The following SELP variants were observed in gnomAD, a reference collection of about 807,000 sequenced individuals.
SELP encodes the protein P-selectin.
A neutral mutation model predicts 104.1 loss-of-function variants in SELP; 92 were observed. The ratio of observed to expected loss-of-function variants is 0.88; its 90% CI spans 0.75 to 1.05. The LOEUF is 1.05. SELP is among the 50% of genes least tolerant of loss of function. SELP has a pLI of 0.00. For synonymous variants in SELP, 397 were observed against 364.5 expected, an observed-to-expected ratio of 1.09 and a Z score of -1.01; for missense variants, 1,022 against 1,017.3, an observed-to-expected ratio of 1.00 and a Z score of -0.06.
chr1:169,607,391 T>G (rs552819396), intron 8 of SELP, among the ~76,000 whole-genome samples: 2 of 152,306 alleles, frequency 1.3e-5, no homozygotes, highest in Non-Finnish European at 1.5e-5. Flanking sequence ...CAAGAATTTA[T>G]GCTAAGTATG....
chr1:169,630,016 T>C (rs732314), intron 1 of SELP, 56 bp downstream of exon 1: 809,080 of 1,610,560 alleles, frequency 0.5, 206,585 homozygotes, highest in African/African-American at 0.64. Context: ...CTGACTTTAC[T>C]CCATACCACT....
intron 4 of SELP, 69 bp downstream of exon 4, chr1:169,613,517 G>T: frequency 8.2e-7 from 1 of 1,216,960 alleles, no homozygotes; most frequent in Non-Finnish European, 1.2e-6. Context: ...ACTTCAACAT[G>T]ATTTATTTAC....
At chr1:169,609,906 T>C (rs1662421219) in intron 7 of SELP, among the ~76,000 whole-genome samples, 1 of 152,054 alleles carries the variant, frequency 6.6e-6, no homozygotes, top group Non-Finnish European at 1.5e-5. Flanking sequence ...AGCTTAGACT[T>C]CCCTTTCCTT....
chr1:169,597,240 A>G, intron 10 of SELP, 64 bp from the exon 11 acceptor site: 1 of 1,404,422 alleles, frequency 7.1e-7, no homozygotes, highest in African/African-American at 1.5e-5. Flanking sequence ...TGTTACACAA[A>G]GTTCATTCAC....
At chr1:169,606,820 G>A in intron 9 of SELP, 129 bp downstream of exon 9, 1 of 814,696 alleles carries the variant, frequency 1.2e-6, no homozygotes, top group African/African-American at 1.7e-5. Context: ...AAGAGGATGA[G>A]TGAGAGTATT....
At chr1:169,612,844 AT>A (rs1379978556) in intron 5 of SELP, 84 bp downstream of exon 5, 3 of 1,198,678 alleles carry the variant, frequency 2.5e-6, no homozygotes, top group South Asian at 1.8e-5. Context: ...TATTTCTCAC[AT>A]TTTTTAATGG....
At chr1:169,590,764 A>T (rs968682354) in intron 15 of SELP, among the ~76,000 whole-genome samples, 4 of 152,212 alleles carry the variant, frequency 2.6e-5, no homozygotes, top group Non-Finnish European at 5.9e-5. Context: ...AAATAAAAAA[A>T]TACCCTTGGG....
In SELP at chr1:169,593,725, C is replaced by G; in HGVS notation, c.2288-1G>C. On this transcript the variant is annotated splice_acceptor_variant, in intron 13 of 16. Transcript: ENST00000263686. LOFTEE classifies it high-confidence loss of function. ...GCTTCCTGGATAGTCAATGGTCCTG[C>G]TACAAAACAAACACACACACATGCA... 1 of 1,613,222 alleles carries G rather than the reference C, an allele frequency of 6.2e-7. No individual in the cohort carries two copies. The highest frequency in any genetic ancestry group is 8.5e-7 in the Non-Finnish European group (1 of 1,179,438).
chr1:169,612,524 AATG>A (rs1662594933), intron 5 of SELP, 122 bp from the exon 6 acceptor site: 1 of 805,530 alleles, frequency 1.2e-6, no homozygotes, highest in African/African-American at 1.7e-5. Context: ...GATGCACTAG[AATG>A]GTTAAATGGT....
chr1:169,619,782 A>T (rs1026565736), intron 1 of SELP, among the ~76,000 whole-genome samples: 38 of 152,164 alleles, frequency 2.5e-4, no homozygotes, highest in African/African-American at 8.7e-4. Context: ...TTTAATATAC[A>T]TATGTATGTA....
intron 4 of SELP, 87 bp downstream of exon 4, chr1:169,613,499 C>T: frequency 9.8e-7 from 1 of 1,018,834 alleles, no homozygotes; most frequent in Non-Finnish European, 1.5e-6. Flanking sequence ...CCTATTCTCA[C>T]TGGAGAGACT....
chr1:169,624,035 A>G (rs1663258611), intron 1 of SELP, among the ~76,000 whole-genome samples: 1 of 152,216 alleles, frequency 6.6e-6, no homozygotes, highest in African/African-American at 2.4e-5. Context: ...ATGGTTCATG[A>G]CCTACTAAGT....
At chr1:169,619,436 C>T (rs1033391964) in intron 1 of SELP, among the ~76,000 whole-genome samples, 6 of 152,200 alleles carry the variant, frequency 3.9e-5, no homozygotes, top group African/African-American at 1.4e-4. Context: ...GAGTTCATTT[C>T]TTCATTCATT....
chr1:169,593,166 C>A (rs1168262400), intron 14 of SELP, among the ~76,000 whole-genome samples: 1 of 152,174 alleles, frequency 6.6e-6, no homozygotes, highest in East Asian at 1.9e-4. Flanking sequence ...CAGAAACCAT[C>A]ATTATGAGTC....
At chr1:169,610,159 G>T (rs1444542357) in intron 7 of SELP, among the ~76,000 whole-genome samples, 1 of 150,388 alleles carries the variant, frequency 6.6e-6, no homozygotes, top group East Asian at 1.9e-4. Context: ...AGTATATACA[G>T]GAAAATGCTG....
chr1:169,599,471 T>C (rs1011686557), intron 10 of SELP, among the ~76,000 whole-genome samples: 2 of 152,144 alleles, frequency 1.3e-5, no homozygotes, highest in African/African-American at 4.8e-5. Flanking sequence ...CTATCACATA[T>C]GGGTATTCAT....
rs373715042 is a variant in SELP, at chr1:169,609,608, G to T, written c.1229C>A (p.Thr410Asn). The part of the protein sequence containing the change: ...SPSLRAFQYD[T>N]NCSFRCAEGF... ...TTCAGCACAGCGGAAGCTACAGTTG[G>T]TGTCATACTGAAACGCTCTCAAGGA... is the stretch of plus-strand genomic sequence containing the variant. The change falls in exon 8 of 17, where the codon ACC becomes AAC. Residue 410 changes from threonine to asparagine, a missense_variant. Transcript: ENST00000263686. 1.9e-6 allele frequency: 3 copies of T among 1,614,014 alleles called. No individual in the cohort carries two copies. The highest frequency in any genetic ancestry group is 2.5e-6 in the Non-Finnish European group (3 of 1,179,966).
At chr1:169,608,966 C>T (rs1030486117) in intron 8 of SELP, among the ~76,000 whole-genome samples, 3 of 152,038 alleles carry the variant, frequency 2.0e-5, no homozygotes, top group African/African-American at 7.3e-5. Flanking sequence ...CAAATCAGAC[C>T]ACAGACATGT....
chr1:169,594,110 AG>A (rs1339788185), intron 13 of SELP, among the ~76,000 whole-genome samples: 7 of 152,240 alleles, frequency 4.6e-5, no homozygotes, highest in Non-Finnish European at 8.8e-5. Context: ...CAAAAGAATT[AG>A]GGTAAGGTCC....
Sources: gnomAD v4.1 joint callset for allele counts (sites outside exome capture counted in the v4.1 genomes callset) on GRCh38, gnomAD v4.1.1 for gene constraint, MANE v1.5 for transcripts, NCBI Gene and HGNC (gene_info 2026-07-23, HGNC 2026-07-21) for gene names.